Variants in SLC35F1 observed in about 807,000 individuals in gnomAD.
SLC35F1 encodes the protein solute carrier family 35 member F1, also known as chromosome 6 open reading frame 169.
In SLC35F1, 14 loss-of-function variants were observed where a neutral mutation model predicts 48.7. The ratio of observed to expected loss-of-function variants is 0.29; its 90% confidence interval spans 0.19 to 0.45. The LOEUF (loss-of-function observed/expected upper bound fraction) is 0.45, where lower values mean the gene tolerates loss of function less well. Ranked by LOEUF, SLC35F1 falls within the 20% of genes least tolerant of loss-of-function variation. The pLI is 1.00. For synonymous variants in SLC35F1, 190 were observed against 202.2 expected (o/e 0.94, Z 0.51); for missense variants, 404 against 500.0 (o/e 0.81, Z 1.83).
chr6:117,971,832 C>A (rs190446968), intron 1 of SLC35F1, among the ~76,000 whole-genome samples: 4 of 152,180 alleles, frequency 2.6e-5, no homozygotes, highest in African/African-American at 4.8e-5. Flanking sequence ...GGGCCCTGGG[C>A]CTGGCCCAGG....
At chr6:117,914,085 C>CCTAT (rs60175681) in intron 1 of SLC35F1, among the ~76,000 whole-genome samples, 18,828 of 145,128 alleles carry the variant, frequency 0.13, 1,271 homozygotes, top group East Asian at 0.15. Flanking sequence ...ACAAAAGAAT[C>CCTAT]CTATCTATCT....
At chr6:118,233,815 C>T (rs902125057) in intron 2 of SLC35F1, among the ~76,000 whole-genome samples, 6 of 152,138 alleles carry the variant, frequency 3.9e-5, no homozygotes, top group South Asian at 2.1e-4. Flanking sequence ...AGATGGGGAG[C>T]GCAGTTCCCT....
intron 1 of SLC35F1, among the ~76,000 whole-genome samples, chr6:118,139,123 T>G (rs1019240165): frequency 2.6e-5 from 4 of 152,200 alleles, no homozygotes; most frequent in Non-Finnish European, 5.9e-5. Context: ...TCTTTTTTTT[T>G]GTTTTTTGAG....
chr6:117,964,476 T>G (rs75270876), intron 1 of SLC35F1, among the ~76,000 whole-genome samples: 2,632 of 152,368 alleles, frequency 0.017, 31 homozygotes, highest in East Asian at 0.031. Flanking sequence ...CCTGTTTTTT[T>G]CTAGGCAAAC....
At chr6:118,256,059 A>G (rs1582754866) in intron 3 of SLC35F1, among the ~76,000 whole-genome samples, 1 of 152,242 alleles carries the variant, frequency 6.6e-6, no homozygotes, top group East Asian at 1.9e-4. Context: ...CTGGAATTAC[A>G]CTCCTGGTCA....
At chr6:118,071,038 A>AT (rs1562280921) in intron 1 of SLC35F1, among the ~76,000 whole-genome samples, 7 of 142,282 alleles carry the variant, frequency 4.9e-5, no homozygotes, top group Admixed American at 7.1e-5. Flanking sequence ...ACGTGTATAT[A>AT]TATACACATA....
chr6:118,051,000 A>G (rs1772381606), intron 1 of SLC35F1, among the ~76,000 whole-genome samples: 1 of 152,158 alleles, frequency 6.6e-6, no homozygotes, highest in African/African-American at 2.4e-5. Flanking sequence ...GAGGACATTG[A>G]CATCCCCTTC....
intron 2 of SLC35F1, among the ~76,000 whole-genome samples, chr6:118,215,751 A>G (rs1775063457): frequency 1.3e-5 from 2 of 152,236 alleles, no homozygotes; most frequent in Non-Finnish European, 2.9e-5. Context: ...TAGTGGAAGG[A>G]GTTGCAGAAC....
At chr6:117,942,514 A>G (rs557915813) in intron 1 of SLC35F1, among the ~76,000 whole-genome samples, 4 of 152,324 alleles carry the variant, frequency 2.6e-5, no homozygotes, top group South Asian at 2.1e-4. Context: ...TTCACTTTTT[A>G]TGTCCATCTT....
chr6:117,996,093 A>T (rs966100050), intron 1 of SLC35F1, among the ~76,000 whole-genome samples: 1 of 152,212 alleles, frequency 6.6e-6, no homozygotes, highest in Non-Finnish European at 1.5e-5. Flanking sequence ...TATTTTTTGT[A>T]TATAAATAAT....
intron 1 of SLC35F1, among the ~76,000 whole-genome samples, chr6:117,973,260 C>T (rs974820652): frequency 2.6e-5 from 4 of 152,256 alleles, no homozygotes; most frequent in Middle Eastern, 3.4e-3. Context: ...TGTTGGATGA[C>T]GGTCCACCCA....
chr6:118,007,722 G>T (rs1777191966), intron 1 of SLC35F1, among the ~76,000 whole-genome samples: 1 of 152,104 alleles, frequency 6.6e-6, no homozygotes, highest in Non-Finnish European at 1.5e-5. Context: ...ACATTTCTGT[G>T]GGTCAGGAGT....
intron 6 of SLC35F1, among the ~76,000 whole-genome samples, chr6:118,279,572 G>A (rs1013058760): frequency 9.8e-5 from 15 of 152,332 alleles, no homozygotes; most frequent in African/African-American, 3.6e-4. Flanking sequence ...AAGGGAAGAA[G>A]TGGAGACAAT....
intron 1 of SLC35F1, among the ~76,000 whole-genome samples, chr6:117,973,597 G>T (rs1776670475): frequency 6.6e-6 from 1 of 151,662 alleles, no homozygotes; most frequent in South Asian, 2.1e-4. Flanking sequence ...TTGAGACAAG[G>T]TCTTGCTCTG....
chr6:118,197,880 C>G (rs1774823896), intron 2 of SLC35F1, among the ~76,000 whole-genome samples: 1 of 152,178 alleles, frequency 6.6e-6, no homozygotes. Flanking sequence ...AGGCATCACT[C>G]TAATAACTTG....
chr6:117,923,597 G>GTA (rs1562238389), intron 1 of SLC35F1, among the ~76,000 whole-genome samples: 152 of 14,432 alleles, frequency 0.011, 25 homozygotes, highest in African/African-American at 0.029. Context: ...ATATACATAT[G>GTA]TGTATATATA....
In SLC35F1 at chr6:118,049,095, C is replaced by G. The variant is rs1477119788; in HGVS notation, c.174-105350C>G. ...ACCATCTGATCTTTGACAAACCTGA[C>G]AAAAACAAGCAATGGGGAAAGGATT... On this transcript the variant is annotated intron_variant, in intron 1 of 7. Transcript: ENST00000360388. Among the ~76,000 whole-genome samples, 16 of 152,104 alleles carry G rather than the reference C, an allele frequency of 1.1e-4. No individual in the cohort carries two copies. The South Asian group carries it at 2.9e-3, about 28-fold the overall frequency.
chr6:118,067,934 A>G (rs963049959), intron 1 of SLC35F1, among the ~76,000 whole-genome samples: 2 of 152,162 alleles, frequency 1.3e-5, no homozygotes, highest in African/African-American at 4.8e-5. Context: ...TGTAAAAATT[A>G]TCACAAACTC....
At chr6:118,003,485 G>A (rs1200500958) in intron 1 of SLC35F1, among the ~76,000 whole-genome samples, 3 of 152,222 alleles carry the variant, frequency 2.0e-5, no homozygotes, top group Non-Finnish European at 2.9e-5. Context: ...GGTGAGCTAG[G>A]TAGGTTGTCC....
Sources: gnomAD v4.1 joint callset for allele counts (sites outside exome capture counted in the v4.1 genomes callset) on GRCh38, gnomAD v4.1.1 for gene constraint, MANE v1.5 for transcripts, NCBI Gene and HGNC (gene_info 2026-07-23, HGNC 2026-07-21) for gene names.